ZNF736: variants seen among roughly 807,000 people sequenced by gnomAD.
The protein encoded by ZNF736 is zinc finger protein 736, also known as KRAB-containing zinc-finger repressor protein.
A neutral mutation model predicts 11.7 loss-of-function variants in ZNF736; 6 were observed. The observed-to-expected ratio is 0.51, with a 90% confidence interval of 0.28 to 1.01. The LOEUF (loss-of-function observed/expected upper bound fraction) is 1.01. Among genes scored for constraint, ZNF736 ranks in the 50% least tolerant of loss-of-function variants. The pLI is 0.09. For missense variants in ZNF736, 444 were observed against 496.0 expected, an observed-to-expected ratio of 0.90 and a Z score of 1.00; for synonymous variants, 139 against 164.7, an observed-to-expected ratio of 0.84 and a Z score of 1.19.
intron 1 of ZNF736, among the ~76,000 whole-genome samples, chr7:64,324,755 T>A (rs546402993): frequency 1.3e-5 from 2 of 152,330 alleles, no homozygotes; most frequent in African/African-American, 4.8e-5. Flanking sequence ...AGCCAGAGCC[T>A]AACCCTTTCT....
At chr7:64,336,232 A>T (rs201946221) in intron 1 of ZNF736, 27 bp from the exon 2 acceptor site, 130 of 1,599,010 alleles carry the variant, frequency 8.1e-5, no homozygotes, top group Non-Finnish European at 1.1e-4. Flanking sequence ...TTCTATGGTC[A>T]CTTGGTAAAT....
At chr7:64,340,455 C>T (rs1421947117) in intron 3 of ZNF736, among the ~76,000 whole-genome samples, 1 of 152,144 alleles carries the variant, frequency 6.6e-6, no homozygotes, top group Non-Finnish European at 1.5e-5. Flanking sequence ...GACCTGTAGC[C>T]AAAGAGCAAG....
At chr7:64,314,196 G>A (rs1788878479) in intron 1 of ZNF736, 43 bp downstream of exon 1, 6 of 1,550,476 alleles carry the variant, frequency 3.9e-6, no homozygotes, top group Middle Eastern at 1.7e-4. Flanking sequence ...GGAAGAGGCT[G>A]TTTGAATCCG....
In ZNF736 at chr7:64,336,159, C is replaced by T. The variant is rs1285838006; in HGVS notation, c.4-100C>T. 2.4e-5 allele frequency: 32 copies of T among 1,352,242 alleles called. No homozygotes were observed. In the East Asian group the frequency reaches 7.8e-4, roughly 33 times the overall value. The allele number at this position is 1,352,242 out of a possible 1,614,324, so 83.8% of individuals were successfully genotyped here. On this transcript the variant is annotated intron_variant, in intron 1 of 3. Coordinates refer to ENST00000423484, the MANE Select transcript of ZNF736 (RefSeq NM_001170905.3). ...GTATCCTACTGGATAACTCCAGTAA[C>T]TCATATAAGTCAGAACCAGCTATCT...
rs1461544424 is a variant in ZNF736, at chr7:64,331,185, G to C, written c.4-5074G>C. Among the ~76,000 whole-genome samples the C allele has an allele frequency of 2.0e-5, 3 of 152,270 alleles. No individual in the cohort carries two copies. The East Asian group carries it at 5.8e-4, about 29-fold the overall frequency. On this transcript the variant is annotated intron_variant, in intron 1 of 3. Coordinates refer to ENST00000423484, the MANE Select transcript of ZNF736 (RefSeq NM_001170905.3). The stretch of plus-strand genomic sequence containing the variant: ...CCTTTCAAGTTTATTTAGAACCCCA[G>C]AGTGCTTTAGCCTATGGTGGTGGGG...
intron 3 of ZNF736, among the ~76,000 whole-genome samples, chr7:64,339,926 G>T (rs1789312754): frequency 6.6e-6 from 1 of 152,138 alleles, no homozygotes; most frequent in Admixed American, 6.5e-5. Context: ...TTAGCTGATA[G>T]AATCTTCTTG....
At position 64,354,825 on chromosome 7, in the gene ZNF736, T is replaced by A. The variant is rs899485074; in HGVS notation, c.*5678T>A. ...TTTTACTTTATAAAATTGACATAATTGAGTTTATTAAATTTATTGGGCCAA... is the reference window on the plus strand; with the variant it reads ...TTTTACTTTATAAAATTGACATAATAGAGTTTATTAAATTTATTGGGCCAA... On this transcript the variant is annotated 3_prime_UTR_variant, in exon 4 of 4. Coordinates refer to ENST00000423484, the MANE Select transcript of ZNF736 (RefSeq NM_001170905.3). The A allele has an allele frequency of 6.6e-6, 1 of 152,236 alleles. No homozygotes were observed. Among genetic ancestry groups the A allele is most frequent in the Non-Finnish European group, 1.5e-5 (1 of 68,038 alleles). The allele number at this position is 152,236 out of a possible 1,614,324, so 9.4% of individuals were successfully genotyped here. A position where few individuals can be genotyped will look rare whatever the true frequency, so the allele number is the denominator to read the frequency against.
intron 1 of ZNF736, among the ~76,000 whole-genome samples, chr7:64,319,331 GTGTATATATATATATATATATATA>G (rs1318999096): frequency 1.2e-4 from 9 of 75,528 alleles, no homozygotes; most frequent in East Asian, 4.0e-4. Flanking sequence ...GTGTGTGTAT[GTGTATATATATATATATATATATA>G]TATATATATA....
intron 1 of ZNF736, among the ~76,000 whole-genome samples, chr7:64,315,405 C>T (rs933097649): frequency 6.6e-6 from 1 of 151,816 alleles, no homozygotes; most frequent in African/African-American, 2.4e-5. Flanking sequence ...GGAAGCAAAC[C>T]AGATTCAATA....
At chr7:64,314,683 GC>G (rs1562665166) in intron 1 of ZNF736, among the ~76,000 whole-genome samples, 1 of 152,042 alleles carries the variant, frequency 6.6e-6, no homozygotes, top group Non-Finnish European at 1.5e-5. Context: ...TCTCACCCCA[GC>G]CCCCCAAGTA....
Position 64,329,428 on chromosome 7 carries a change from T to C in ZNF736, c.4-6831T>C, listed in dbSNP as rs1789128482. On this transcript the variant is annotated intron_variant, in intron 1 of 3. Coordinates refer to ENST00000423484, the MANE Select transcript of ZNF736 (RefSeq NM_001170905.3). Reference sequence around the variant, plus strand: ...CCAAGTATTCAAAGGGAATTGAGTATTGTAATCTGAGTCTGATCATTGCAG... The same window carrying C: ...CCAAGTATTCAAAGGGAATTGAGTACTGTAATCTGAGTCTGATCATTGCAG... Among the ~76,000 whole-genome samples the C allele has an allele frequency of 3.9e-5, 6 of 152,294 alleles. No individual in the cohort carries two copies. In the South Asian group the frequency reaches 1.2e-3, roughly 32 times the overall value.
intron 1 of ZNF736, among the ~76,000 whole-genome samples, chr7:64,333,671 C>G (rs62463907): frequency 5.7e-4 from 84 of 148,660 alleles, no homozygotes; most frequent in Non-Finnish European, 1.1e-3. Context: ...AAAAAAAATC[C>G]GTGCTCATGG....
chr7:64,314,714 G>T (rs1788887013), intron 1 of ZNF736, among the ~76,000 whole-genome samples: 1 of 152,200 alleles, frequency 6.6e-6, no homozygotes, highest in South Asian at 2.1e-4. Flanking sequence ...AGAGGGGTGC[G>T]CCACCACGCC....
intron 1 of ZNF736, among the ~76,000 whole-genome samples, chr7:64,330,748 CTT>C: frequency 6.6e-6 from 1 of 152,242 alleles, no homozygotes; most frequent in South Asian, 2.1e-4. Context: ...CCCAAGGGCT[CTT>C]TACTCAGCAG....
At position 64,348,527 on chromosome 7, in the gene ZNF736, G is replaced by A; in HGVS notation, c.664G>A (p.Val222Ile). 6.3e-7 allele frequency: 1 copy of A among 1,579,950 alleles called. No individual in the cohort carries two copies. The stretch of plus-strand genomic sequence containing the variant: ...TTCAAACCTTACTGAACATAAGAGA[G>A]TTCATACTGGAGAGAAACCTTACAA... ...KFSNLTEHKR[V>I]HTGEKPYKCE... The change falls in exon 4 of 4, where the codon GTT (valine) becomes ATT (isoleucine). Residue 222 changes from valine (V) to isoleucine (I), a missense_variant. Physicochemically the swap from Val to Ile is conservative, Grantham distance 29. Transcript: ENST00000423484.
chr7:64,336,500 A>C, intron 2 of ZNF736, 115 bp downstream of exon 2: 2 of 1,131,422 alleles, frequency 1.8e-6, no homozygotes, highest in Non-Finnish European at 2.4e-6. Flanking sequence ...CTTCAAAAAG[A>C]AAAAATTGGG....
At chr7:64,342,754 C>T (rs1245985091) in intron 3 of ZNF736, among the ~76,000 whole-genome samples, 2 of 151,994 alleles carry the variant, frequency 1.3e-5, no homozygotes, top group African/African-American at 4.8e-5. Context: ...AATTAATAGG[C>T]ACACCATATA....
intron 3 of ZNF736, among the ~76,000 whole-genome samples, chr7:64,338,382 G>C (rs1293090026): frequency 1.3e-5 from 2 of 152,088 alleles, no homozygotes; most frequent in African/African-American, 4.8e-5. Flanking sequence ...AGATCTCTCA[G>C]CAAATTTTCA....
intron 3 of ZNF736, among the ~76,000 whole-genome samples, chr7:64,346,700 G>T (rs2115965014): frequency 6.6e-6 from 1 of 152,076 alleles, no homozygotes; most frequent in African/African-American, 2.4e-5. Context: ...GAAGTTTGCT[G>T]AGCTTCTTGA....
Sources: gnomAD v4.1 joint callset for allele counts (sites outside exome capture counted in the v4.1 genomes callset) on GRCh38, gnomAD v4.1.1 for gene constraint, MANE v1.5 for transcripts, NCBI Gene and HGNC (gene_info 2026-07-23, HGNC 2026-07-21) for gene names.